GLIS3: variants seen among roughly 807,000 people sequenced by gnomAD.
GLIS3 encodes zinc finger protein GLIS3.
A neutral mutation model predicts 78.6 loss-of-function variants in GLIS3; 53 were observed. The ratio of observed to expected loss-of-function variants is 0.67; its 90% CI spans 0.54 to 0.85. The LOEUF (loss-of-function observed/expected upper bound fraction) is 0.85. Among genes scored for constraint, GLIS3 ranks in the 40% least tolerant of loss-of-function variants. The pLI is 0.00. For synonymous variants in GLIS3, 684 were observed against 509.9 expected (o/e 1.34, Z -4.60); for missense variants, 1,703 against 1,231.1 (o/e 1.38, Z -5.74).
chr9:4,140,350 A>T (rs990028982), intron 2 of GLIS3, among the ~76,000 whole-genome samples: 1 of 152,038 alleles, frequency 6.6e-6, no homozygotes, highest in Non-Finnish European at 1.5e-5. Context: ...AACAGAACAA[A>T]AAAAGCCACC....
intron 4 of GLIS3, among the ~76,000 whole-genome samples, chr9:4,040,236 A>T (rs1420008312): frequency 6.6e-6 from 1 of 152,090 alleles, no homozygotes; most frequent in Non-Finnish European, 1.5e-5. Flanking sequence ...GCAAACTTCA[A>T]AGCATTTTAA....
At chr9:3,927,107 T>G (rs1239344252) in intron 6 of GLIS3, among the ~76,000 whole-genome samples, 1 of 152,250 alleles carries the variant, frequency 6.6e-6, no homozygotes. Context: ...TTACTGTTGT[T>G]GGACTTTCAT....
intron 2 of GLIS3, among the ~76,000 whole-genome samples, chr9:4,231,053 G>C (rs2131364581): frequency 1.3e-5 from 2 of 152,200 alleles, no homozygotes; most frequent in South Asian, 4.2e-4. Flanking sequence ...GCCTAGGCAA[G>C]AGAATGAGAC....
intron 2 of GLIS3, among the ~76,000 whole-genome samples, chr9:4,278,076 AAAGT>A (rs1487842524): frequency 6.6e-6 from 1 of 152,274 alleles, no homozygotes; most frequent in East Asian, 1.9e-4. Context: ...CATAAAACTA[AAAGT>A]AACTCTTCCT....
At chr9:4,164,732 A>C (rs1835750338) in intron 2 of GLIS3, among the ~76,000 whole-genome samples, 1 of 152,236 alleles carries the variant, frequency 6.6e-6, no homozygotes, top group African/African-American at 2.4e-5. Flanking sequence ...ATTGGAAAGC[A>C]AAAGATATTG....
intron 6 of GLIS3, among the ~76,000 whole-genome samples, chr9:3,899,464 C>G (rs1471781528): frequency 1.3e-5 from 2 of 149,618 alleles, no homozygotes; most frequent in Admixed American, 1.3e-4. Context: ...CTAAAATAAA[C>G]TAGGTGAAAA....
chr9:4,163,304 G>T (rs1275938753), intron 2 of GLIS3, among the ~76,000 whole-genome samples: 1 of 152,148 alleles, frequency 6.6e-6, no homozygotes, highest in African/African-American at 2.4e-5. Flanking sequence ...TCTCAAACAT[G>T]CCCATTTAAT....
intron 2 of GLIS3, among the ~76,000 whole-genome samples, chr9:4,333,162 G>C (rs2130569742): frequency 6.6e-6 from 1 of 151,852 alleles, no homozygotes; most frequent in South Asian, 2.1e-4. Context: ...CAGGAGGATT[G>C]CTTGAGACCA....
chr9:4,159,033 G>GTT, intron 2 of GLIS3, among the ~76,000 whole-genome samples: 1 of 87,684 alleles, frequency 1.1e-5, no homozygotes, highest in South Asian at 3.5e-4. Flanking sequence ...AGGAGAAGAA[G>GTT]AAAAAAAAAA....
intron 6 of GLIS3, among the ~76,000 whole-genome samples, chr9:3,902,718 C>T (rs1373851): frequency 0.9 from 137,124 of 152,124 alleles, 62,417 homozygotes; most frequent in East Asian, 1. Flanking sequence ...GGATTTCACT[C>T]TTGGAACCAC....
At chr9:4,176,981 G>A (rs1000052723) in intron 2 of GLIS3, among the ~76,000 whole-genome samples, 3 of 152,184 alleles carry the variant, frequency 2.0e-5, no homozygotes, top group African/African-American at 7.2e-5. Context: ...TGCAGTTATT[G>A]GGTTATGTGT....
At chr9:3,884,420 A>G (rs1563811413) in intron 7 of GLIS3, among the ~76,000 whole-genome samples, 1 of 152,188 alleles carries the variant, frequency 6.6e-6, no homozygotes, top group African/African-American at 2.4e-5. Flanking sequence ...AAAACAGCCA[A>G]TATGCATTCT....
the GLIS3 span, among the ~76,000 whole-genome samples, chr9:4,362,848 G>C: frequency 1.3e-5 from 2 of 152,084 alleles, no homozygotes; most frequent in African/African-American, 4.8e-5. Context: ...AATGGGGGAG[G>C]CATTCAAAAT....
intron 2 of GLIS3, among the ~76,000 whole-genome samples, chr9:4,207,314 C>T (rs1819971767): frequency 6.6e-6 from 1 of 152,202 alleles, no homozygotes; most frequent in African/African-American, 2.4e-5. Context: ...TTACAACAGC[C>T]AGCATGACAA....
the GLIS3 span, among the ~76,000 whole-genome samples, chr9:4,397,785 G>C: frequency 6.6e-6 from 1 of 151,268 alleles, no homozygotes; most frequent in Non-Finnish European, 1.5e-5. Context: ...GGAGGGGAGG[G>C]GAGGGGAGAG....
chr9:3,842,841 A>G (rs1818805332), intron 9 of GLIS3, among the ~76,000 whole-genome samples: 1 of 152,226 alleles, frequency 6.6e-6, no homozygotes, highest in South Asian at 2.1e-4. Context: ...CAACAACAGA[A>G]CGGCTCTAAT....
At chr9:4,038,207 C>T (rs932770718) in intron 4 of GLIS3, among the ~76,000 whole-genome samples, 2 of 152,132 alleles carry the variant, frequency 1.3e-5, no homozygotes, top group Non-Finnish European at 2.9e-5. Flanking sequence ...GGATGATTAG[C>T]AGCCAGCCAT....
At chr9:4,368,352 T>C in the GLIS3 span, among the ~76,000 whole-genome samples, 1 of 151,156 alleles carries the variant, frequency 6.6e-6, no homozygotes, top group Non-Finnish European at 1.5e-5. Context: ...TTTTTTTTTT[T>C]TTTGGAGACG....
intron 4 of GLIS3, among the ~76,000 whole-genome samples, chr9:4,059,106 G>T (rs559522480): frequency 6.6e-6 from 1 of 152,152 alleles, no homozygotes; most frequent in Non-Finnish European, 1.5e-5. Flanking sequence ...TGTTACTGCA[G>T]CTTTAATCAG....
Sources: gnomAD v4.1 joint callset for allele counts (sites outside exome capture counted in the v4.1 genomes callset) on GRCh38, gnomAD v4.1.1 for gene constraint, MANE v1.5 for transcripts, NCBI Gene and HGNC (gene_info 2026-07-23, HGNC 2026-07-21) for gene names.